Variants in ST7L observed in about 807,000 individuals in gnomAD.
The protein encoded by ST7L is suppression of tumorigenicity 7 like, also known as suppressor of tumorigenicity 7 protein-like.
In ST7L, 57 loss-of-function variants were observed where a neutral mutation model predicts 72.5. The observed-to-expected ratio is 0.79, with a 90% CI of 0.64 to 0.98. The LOEUF (loss-of-function observed/expected upper bound fraction) is 0.98. ST7L is among the 50% of genes least tolerant of loss of function. The pLI is 0.00. For missense variants in ST7L, 576 were observed against 672.2 expected (o/e 0.86, Z 1.58); for synonymous variants, 221 against 240.9 (o/e 0.92, Z 0.77).
chr1:112,617,039 T>C, intron 1 of ST7L, 144 bp from the exon 2 acceptor site: 3 of 535,562 alleles, frequency 5.6e-6, no homozygotes, highest in Non-Finnish European at 9.9e-6. Context: ...TTTTAATTTG[T>C]ATATATATTA....
intron 12 of ST7L, among the ~76,000 whole-genome samples, chr1:112,551,071 C>G (rs987087945): frequency 2.0e-5 from 3 of 149,976 alleles, no homozygotes; most frequent in African/African-American, 7.4e-5. Flanking sequence ...CTATTGGCAA[C>G]CTAAAATAGT....
At chr1:112,617,526 A>T (rs2101095461) in intron 1 of ST7L, among the ~76,000 whole-genome samples, 1 of 152,302 alleles carries the variant, frequency 6.6e-6, no homozygotes, top group South Asian at 2.1e-4. Context: ...AGCCTGGGCA[A>T]ATAAAATAGA....
chr1:112,555,489 C>A (rs934925625), intron 12 of ST7L, among the ~76,000 whole-genome samples: 1 of 152,014 alleles, frequency 6.6e-6, no homozygotes, highest in African/African-American at 2.4e-5. Context: ...GGCATGAACC[C>A]AGGAGGCAGA....
In ST7L at chr1:112,525,422, G is replaced by A. The variant is rs1042067894; in HGVS notation, c.*591C>T. The A allele has an allele frequency of 6.6e-6, 1 of 152,488 alleles. No homozygotes were observed. The highest frequency in any genetic ancestry group is 2.4e-5 in the African/African-American group (1 of 41,414). 9.4% of individuals were successfully genotyped at this position (152,488 alleles called of 1,614,324 possible). A position where few individuals can be genotyped will look rare whatever the true frequency, so the allele number is the denominator to read the frequency against. ...CAGTGGGGTGTCAGTAATATGCCCTGTCCCTGACCTCAAAGGTAAAGGGAT... is the reference window on the plus strand; with the variant it reads ...CAGTGGGGTGTCAGTAATATGCCCTATCCCTGACCTCAAAGGTAAAGGGAT... On this transcript the variant is annotated 3_prime_UTR_variant, in exon 15 of 15. Transcript: ENST00000358039.
At chr1:112,530,441 T>C (rs959381795) in intron 14 of ST7L, among the ~76,000 whole-genome samples, 1 of 152,286 alleles carries the variant, frequency 6.6e-6, no homozygotes, top group Admixed American at 6.5e-5. Flanking sequence ...TTGAGATGGA[T>C]TCTCGCTCTG....
At chr1:112,597,919 T>C (rs1488931417) in intron 5 of ST7L, 52 bp downstream of exon 5, 9 of 1,385,094 alleles carry the variant, frequency 6.5e-6, no homozygotes, top group Non-Finnish European at 8.9e-6. Flanking sequence ...AAAGAACTTT[T>C]AAGATGATCT....
chr1:112,601,863 A>G (rs1444108858), intron 3 of ST7L, among the ~76,000 whole-genome samples: 3 of 151,900 alleles, frequency 2.0e-5, no homozygotes, highest in Non-Finnish European at 2.9e-5. Flanking sequence ...CAGATCACCT[A>G]AGGTCAGTAG....
intron 13 of ST7L, 76 bp from the exon 14 acceptor site, chr1:112,542,166 ATC>A (rs973208200): frequency 4.9e-5 from 68 of 1,379,718 alleles, no homozygotes; most frequent in Non-Finnish European, 6.4e-5. Flanking sequence ...TTCAAATGAA[ATC>A]TGTTTTTAAA....
chr1:112,566,960 C>G (rs546798139), intron 11 of ST7L, among the ~76,000 whole-genome samples: 1 of 152,224 alleles, frequency 6.6e-6, no homozygotes, highest in South Asian at 2.1e-4. Flanking sequence ...TTTCATTTCT[C>G]TTGGGTATAT....
rs1205170696 is a variant in ST7L, at chr1:112,597,871, ATAAC to A, written c.622+96_622+99del. On this transcript the variant is annotated intron_variant, in intron 5 of 14. Transcript: ENST00000358039. Reference sequence around the variant, plus strand: ...AATAATATAAACAACTCCAAGCCAAATAACTAAATAACTCTGTATATTATAATAA... The same window carrying A: ...AATAATATAAACAACTCCAAGCCAAATAAATAACTCTGTATATTATAATAA... 10 of 755,724 alleles carry A rather than the reference ATAAC, an allele frequency of 1.3e-5. No homozygotes were observed. In the Admixed American group the frequency reaches 3.1e-4, roughly 24 times the overall value. The allele number at this position is 755,724 out of a possible 1,614,324, so 46.8% of individuals were successfully genotyped here. A position where few individuals can be genotyped will look rare whatever the true frequency, so the allele number is the denominator to read the frequency against.
intron 3 of ST7L, among the ~76,000 whole-genome samples, chr1:112,601,352 T>C (rs1249276917): frequency 3.3e-5 from 5 of 152,066 alleles, no homozygotes; most frequent in Admixed American, 6.6e-5. Flanking sequence ...TTCACGCCAT[T>C]CTCCAGCCTC....
At chr1:112,556,995 A>C (rs1397018826) in intron 11 of ST7L, among the ~76,000 whole-genome samples, 1 of 143,674 alleles carries the variant, frequency 7.0e-6, no homozygotes, top group Non-Finnish European at 1.5e-5. Flanking sequence ...CAAAAAAAAA[A>C]AAACACAAAG....
In ST7L at chr1:112,611,010, C is replaced by A. The variant is rs746639402; in HGVS notation, c.289-7G>T. On this transcript the variant is annotated splice_region_variant and splice_polypyrimidine_tract_variant and intron_variant, in intron 2 of 14. Transcript: ENST00000358039. Reference sequence around the variant, plus strand: ...AGTACCACCATTCAAATATCTATGACAAACAGAAAATATCCTGCACTTAGA... The same window carrying A: ...AGTACCACCATTCAAATATCTATGAAAAACAGAAAATATCCTGCACTTAGA... 1.0e-4 allele frequency: 166 copies of A among 1,612,644 alleles called. No individual in the cohort carries two copies. The highest frequency in any genetic ancestry group is 1.4e-4 in the Non-Finnish European group (162 of 1,179,698).
At chr1:112,547,561 C>CTTTTTTTTTTTTTT (rs59755766) in intron 13 of ST7L, among the ~76,000 whole-genome samples, 3 of 62,028 alleles carry the variant, frequency 4.8e-5, no homozygotes, top group African/African-American at 1.9e-4. Flanking sequence ...TCTTTGTCAT[C>CTTTTTTTTTTTTTT]TTTTTTTTTT....
chr1:112,545,980 A>G (rs570450731), intron 13 of ST7L, among the ~76,000 whole-genome samples: 1 of 152,306 alleles, frequency 6.6e-6, no homozygotes, highest in East Asian at 1.9e-4. Flanking sequence ...AGCTGACTGG[A>G]CAAGGAATAA....
intron 1 of ST7L, chr1:112,618,275 G>C: frequency 9.5e-7 from 1 of 1,054,700 alleles, no homozygotes; most frequent in Non-Finnish European, 1.1e-6. Context: ...CACAGAATAC[G>C]TAGCAAGTGT....
chr1:112,604,100 G>C (rs1161941148), intron 3 of ST7L, among the ~76,000 whole-genome samples: 1 of 152,176 alleles, frequency 6.6e-6, no homozygotes, highest in Non-Finnish European at 1.5e-5. Context: ...TTGAGGTCAT[G>C]AGTTTGAGAC....
intron 11 of ST7L, among the ~76,000 whole-genome samples, chr1:112,558,133 T>A (rs1323741069): frequency 6.6e-6 from 1 of 152,196 alleles, no homozygotes; most frequent in Non-Finnish European, 1.5e-5. Flanking sequence ...TAGAATAGGT[T>A]TGAAATTACC....
intron 14 of ST7L, chr1:112,540,219 C>T (rs1655886406): frequency 1.7e-5 from 17 of 985,424 alleles, no homozygotes; most frequent in Non-Finnish European, 1.9e-5. Context: ...TCACTTCCTT[C>T]CCACTCCACT....
Sources: allele counts gnomAD v4.1 joint callset (sites outside exome capture counted in the v4.1 genomes callset), GRCh38; gene constraint gnomAD v4.1.1; transcripts MANE v1.5; gene names NCBI Gene and HGNC (gene_info 2026-07-23, HGNC 2026-07-21).